The following DYM variants were observed in gnomAD, a reference collection of about 807,000 sequenced individuals.
The protein encoded by DYM is dyggve-Melchior-Clausen syndrome protein.
In DYM, 78 loss-of-function variants were observed where a neutral mutation model predicts 93.1. That is an observed-to-expected ratio of 0.84 (90% CI 0.70 to 1.01). DYM has a LOEUF of 1.01. Among genes scored for constraint, DYM ranks in the 50% least tolerant of loss-of-function variants. DYM has a pLI of 0.00. For synonymous variants in DYM, 321 were observed against 319.7 expected (o/e 1.00, Z -0.04); for missense variants, 789 against 845.0 (o/e 0.93, Z 0.82).
chr18:49,408,645 G>T (rs1052513381), intron 2 of DYM, among the ~76,000 whole-genome samples: 2 of 152,180 alleles, frequency 1.3e-5, no homozygotes, highest in Non-Finnish European at 2.9e-5. Context: ...TAGTAAGCAA[G>T]CATAAAGCTT....
At chr18:49,406,759 A>G (rs1469709877) in intron 2 of DYM, among the ~76,000 whole-genome samples, 1 of 152,234 alleles carries the variant, frequency 6.6e-6, no homozygotes, top group Admixed American at 6.5e-5. Flanking sequence ...GTAAAGTGAT[A>G]AAACCACTCT....
intron 15 of DYM, among the ~76,000 whole-genome samples, chr18:49,134,052 G>GGATT (rs952995369): frequency 6.6e-6 from 1 of 152,070 alleles, no homozygotes; most frequent in Non-Finnish European, 1.5e-5. Context: ...AAAACAGGAT[G>GGATT]GATTGATTGA....
chr18:49,165,371 T>G (rs190635070), intron 14 of DYM, among the ~76,000 whole-genome samples: 39 of 152,310 alleles, frequency 2.6e-4, no homozygotes, highest in African/African-American at 8.9e-4. Flanking sequence ...AAGGCAATTC[T>G]GATTCCATGT....
chr18:49,389,163 G>A (rs2147855227), intron 3 of DYM, among the ~76,000 whole-genome samples: 1 of 152,260 alleles, frequency 6.6e-6, no homozygotes, highest in South Asian at 2.1e-4. Flanking sequence ...AATATGAGAT[G>A]ATTTTTATTT....
intron 14 of DYM, among the ~76,000 whole-genome samples, chr18:49,187,086 A>AT (rs1466007680): frequency 6.6e-6 from 1 of 151,846 alleles, no homozygotes; most frequent in Non-Finnish European, 1.5e-5. Flanking sequence ...CACCCAGCTA[A>AT]TTTTTTGTAT....
intron 2 of DYM, among the ~76,000 whole-genome samples, chr18:49,399,484 A>G (rs976333480): frequency 6.6e-6 from 1 of 152,214 alleles, no homozygotes; most frequent in Non-Finnish European, 1.5e-5. Context: ...AAACCAAAAC[A>G]GGGCTCTGGT....
In DYM at chr18:49,272,191, G is replaced by C. The variant is rs139983248; in HGVS notation, c.1238C>G (p.Ser413Cys). 6.2e-7 allele frequency: 1 copy of C among 1,612,028 alleles called. No homozygotes were observed. The change falls in exon 11 of 18, where the codon TCC becomes TGC. Residue 413 changes from serine to cysteine, a missense_variant. Transcript: ENST00000675505. Reference protein sequence around the residue: ...ILTEDDGFNRSIHEVILKNIT... With the variant: ...ILTEDDGFNRCIHEVILKNIT... ...ATGGTAACTTACCACTTCATGAATG[G>C]ATCTGTTGAAGCCATCATCTTCCGT... is the stretch of plus-strand genomic sequence containing the variant.
At chr18:49,324,920 T>C (rs1164225655) in intron 8 of DYM, among the ~76,000 whole-genome samples, 3 of 152,060 alleles carry the variant, frequency 2.0e-5, no homozygotes, top group Non-Finnish European at 4.4e-5. Context: ...CATAAGGTAA[T>C]GAGATTTTAA....
chr18:49,309,555 A>T (rs189692725), intron 8 of DYM, among the ~76,000 whole-genome samples: 9 of 152,294 alleles, frequency 5.9e-5, no homozygotes, highest in Admixed American at 5.9e-4. Flanking sequence ...AGATAGCTTG[A>T]GCCCAGGAAG....
chr18:49,270,515 T>C (rs1039794380), intron 11 of DYM, among the ~76,000 whole-genome samples: 2 of 152,148 alleles, frequency 1.3e-5, no homozygotes, highest in African/African-American at 2.4e-5. Flanking sequence ...ATGAGGACTA[T>C]AGTTAATGAT....
Position 49,331,901 on chromosome 18 carries a change from C to T in DYM, c.726G>A (p.Gly242=), listed in dbSNP as rs2063331383. The change falls in exon 8 of 18, where the codon GGG becomes GGA. Residue 242 remains glycine (G), a synonymous_variant. Coordinates refer to ENST00000675505, the MANE Select transcript of DYM (RefSeq NM_001353214.3). ...ATGCAAGTCCATAAAGCAGTCCTCCCCCATCCGACTGCTGAGGGAAAACAT... is the reference window on the plus strand; with the variant it reads ...ATGCAAGTCCATAAAGCAGTCCTCCTCCATCCGACTGCTGAGGGAAAACAT... ...GAHVFPQQSD[G]GGLLYGLASG... 4 of 1,614,082 alleles carry T rather than the reference C, an allele frequency of 2.5e-6. No homozygotes were observed. In the East Asian group the frequency reaches 6.7e-5, roughly 27 times the overall value.
rs114857370 is a variant in DYM at position 49,391,868 on chromosome 18, C to T, written c.141-223G>A. Among the ~76,000 whole-genome samples the T allele has an allele frequency of 3.5e-3, 528 of 152,080 alleles. 4 individuals carry two copies. The highest frequency in any genetic ancestry group is 0.012 in the African/African-American group (489 of 41,502). On this transcript the variant is annotated intron_variant, in intron 2 of 17. Coordinates refer to ENST00000675505, the MANE Select transcript of DYM (RefSeq NM_001353214.3). ...AATATGAGACTCCTAAAGAGAAGAG[C>T]TTGGGGCACCCTGCCTTTCAGGCAT...
intron 5 of DYM, among the ~76,000 whole-genome samples, chr18:49,373,458 C>T (rs549702914): frequency 2.6e-5 from 4 of 152,146 alleles, no homozygotes; most frequent in Admixed American, 6.5e-5. Context: ...ACTGTCATGG[C>T]GCTGGTGGGA....
Position 49,243,874 on chromosome 18 carries a change from G to A in DYM, c.1460+13136C>T, listed in dbSNP as rs1350696066. 2.0e-5 allele frequency among the ~76,000 whole-genome samples: 3 copies of A among 152,012 alleles called. No homozygotes were observed. The East Asian group carries it at 5.8e-4, about 29-fold the overall frequency. On this transcript the variant is annotated intron_variant, in intron 13 of 17. Transcript: ENST00000675505. ...ATATCAGGCAGTAAGTTATGACAGAGTTGTATATACTTCTGAATTTCCAGG... is the reference window on the plus strand; with the variant it reads ...ATATCAGGCAGTAAGTTATGACAGAATTGTATATACTTCTGAATTTCCAGG...
chr18:49,218,575 G>C (rs201691087), intron 13 of DYM, among the ~76,000 whole-genome samples: 11,755 of 151,716 alleles, frequency 0.077, 706 homozygotes, highest in East Asian at 0.3. Flanking sequence ...ACAGTGCAAT[G>C]AAACTAGAAC....
At chr18:49,060,367 A>G (rs1278751893) in intron 17 of DYM, among the ~76,000 whole-genome samples, 1 of 151,572 alleles carries the variant, frequency 6.6e-6, no homozygotes, top group African/African-American at 2.4e-5. Flanking sequence ...CCACACTTCC[A>G]TTTCCTACAG....
At chr18:49,422,286 A>G (rs1449702663) in intron 2 of DYM, among the ~76,000 whole-genome samples, 1 of 152,250 alleles carries the variant, frequency 6.6e-6, no homozygotes, top group African/African-American at 2.4e-5. Context: ...AGGGAAGCCC[A>G]TCAGACTAAC....
At chr18:49,081,251 CG>C (rs2077979892) in intron 17 of DYM, among the ~76,000 whole-genome samples, 1 of 150,910 alleles carries the variant, frequency 6.6e-6, no homozygotes, top group African/African-American at 2.4e-5. Flanking sequence ...TCTGCAATCC[CG>C]GCACCTCGGG....
chr18:49,272,229 T>G lies in DYM; in HGVS notation c.1200A>C (p.Ile400=). 1 of 1,608,170 alleles carries G rather than the reference T, an allele frequency of 6.2e-7. No individual in the cohort carries two copies. Among genetic ancestry groups the G allele is most frequent in the South Asian group, 1.1e-5 (1 of 90,920 alleles). ...CATCATCTTCCGTAAGGATCAACAA[T>G]ATTATAAGGGCCATATACACATGGT... ...NSHHVYMALI[I]LLILTEDDGF... The change falls in exon 11 of 18, where the codon ATA becomes ATC. Residue 400 remains isoleucine, a synonymous_variant. Transcript: ENST00000675505.
Sources: gnomAD v4.1 joint callset for allele counts (sites outside exome capture counted in the v4.1 genomes callset) on GRCh38, gnomAD v4.1.1 for gene constraint, MANE v1.5 for transcripts, NCBI Gene and HGNC (gene_info 2026-07-23, HGNC 2026-07-21) for gene names.